CFHR1: variants seen among roughly 807,000 people sequenced by gnomAD.
CFHR1 encodes complement factor H-related protein 1.
Under a neutral mutation model 30.4 loss-of-function variants are expected in CFHR1, and 22 were observed. The observed-to-expected ratio is 0.72, with a 90% CI of 0.52 to 1.03. The LOEUF (loss-of-function observed/expected upper bound fraction) is 1.03, where lower values mean the gene tolerates loss of function less well. CFHR1 is among the 50% of genes least tolerant of loss of function. The pLI, the probability that CFHR1 is intolerant of heterozygous loss-of-function variation, is 0.00. For missense variants in CFHR1, 248 were observed against 380.6 expected, an observed-to-expected ratio of 0.65 and a Z score of 2.90; for synonymous variants, 95 against 129.1, an observed-to-expected ratio of 0.74 and a Z score of 1.79.
intron 1 of CFHR1, among the ~76,000 whole-genome samples, chr1:196,822,317 A>T (rs1288219082): frequency 1.5e-5 from 2 of 129,492 alleles, no homozygotes; most frequent in Non-Finnish European, 3.2e-5. Flanking sequence ...TGCACCCAGG[A>T]TAGACTAAAT....
chr1:196,832,174 A>G lies in CFHR1; in HGVS notation c.*175A>G, dbSNP rs1655594734. 1.4e-6 allele frequency: 1 copy of G among 694,166 alleles called. No homozygotes were observed. The highest frequency in any genetic ancestry group is 2.7e-5 in the Admixed American group (1 of 37,500). The allele number at this position is 694,166 out of a possible 1,614,324, so 43.0% of individuals were successfully genotyped here. A position where few individuals can be genotyped will look rare whatever the true frequency, so the allele number is the denominator to read the frequency against. On this transcript the variant is annotated 3_prime_UTR_variant, in exon 6 of 6. Coordinates refer to ENST00000320493, the MANE Select transcript of CFHR1 (RefSeq NM_002113.3). The stretch of plus-strand genomic sequence containing the variant: ...CTCTCTTCTTAAAAGCACCATATTA[A>G]AACTTGGAAAACTAACTGTTGTGTC...
rs1655181913 is a variant in CFHR1 at position 196,823,097 on chromosome 1, ATATATGTGTGTGTGTGTGTGTGTG to A, written c.59-2378_59-2355del. Reference sequence around the variant, plus strand: ...ACTGTACGACTGTATATATATATATATATATGTGTGTGTGTGTGTGTGTGTGTGTGTGTGTGTATCCCAGAAGAA... The same window carrying A: ...ACTGTACGACTGTATATATATATATATGTGTGTGTGTGTATCCCAGAAGAA... On this transcript the variant is annotated intron_variant, in intron 1 of 5. Transcript: ENST00000320493. 8.2e-5 allele frequency among the ~76,000 whole-genome samples: 4 copies of A among 48,864 alleles called. 1 individual carries two copies. In the Admixed American group the frequency reaches 1.1e-3, roughly 13 times the overall value. 32.1% of individuals were successfully genotyped at this position (48,864 alleles called of 152,430 possible).
At position 196,825,769 on chromosome 1, in the gene CFHR1, G is replaced by C. The variant is rs1490603478; in HGVS notation, c.253+98G>C. ...AGGTCTTGATAATCACAGGGACAGTGACCAAAGAAGCTGGAAAGATGGGAG... is the reference window on the plus strand; with the variant it reads ...AGGTCTTGATAATCACAGGGACAGTCACCAAAGAAGCTGGAAAGATGGGAG... On this transcript the variant is annotated intron_variant, in intron 2 of 5. Coordinates refer to ENST00000320493, the MANE Select transcript of CFHR1 (RefSeq NM_002113.3). 20 of 1,222,612 alleles carry C rather than the reference G, an allele frequency of 1.6e-5. 5 individuals carry two copies. The highest frequency in any genetic ancestry group is 2.2e-5 in the Non-Finnish European group (19 of 873,072). The allele number at this position is 1,222,612 out of a possible 1,614,324, so 75.7% of individuals were successfully genotyped here.
At position 196,830,915 on chromosome 1, in the gene CFHR1, CA is replaced by C. The variant is rs1207716958; in HGVS notation, c.790+234del. ...GGCCGAGGCGGGCAGATCACGAGGT[CA>C]GGAGATTGAGACCATCCTGGCTAAC... On this transcript the variant is annotated intron_variant, in intron 5 of 5. Transcript: ENST00000320493. 1.3e-4 allele frequency among the ~76,000 whole-genome samples: 17 copies of C among 134,110 alleles called. 3 individuals are homozygous for C. The highest frequency in any genetic ancestry group is 2.5e-4 in the Non-Finnish European group (16 of 63,990). 88.0% of individuals were successfully genotyped at this position (134,110 alleles called of 152,430 possible).
In CFHR1 at chr1:196,827,518, C is replaced by G. The variant is rs1464509539; in HGVS notation, c.430+513C>G. ...CTTATTTTCTTTTATTTTTCCACAT[C>G]TCCAATTTAGATCCTTTGATTAACC... On this transcript the variant is annotated intron_variant, in intron 3 of 5. Coordinates refer to ENST00000320493, the MANE Select transcript of CFHR1 (RefSeq NM_002113.3). Among the ~76,000 whole-genome samples, 26 of 135,536 alleles carry G rather than the reference C, an allele frequency of 1.9e-4. 5 individuals are homozygous for G. Among genetic ancestry groups the G allele is most frequent in the Admixed American group, 4.3e-4 (6 of 14,068 alleles). The allele number at this position is 135,536 out of a possible 152,430, so 88.9% of individuals were successfully genotyped here.
rs1655089758 is a variant in CFHR1 at position 196,820,749 on chromosome 1, G to C, written c.58+847G>C. 1.6e-5 allele frequency: 2 copies of C among 127,032 alleles called. 1 individual carries two copies. The highest frequency in any genetic ancestry group is 6.9e-5 in the African/African-American group (2 of 28,918). The allele number at this position is 127,032 out of a possible 1,614,324, so 7.9% of individuals were successfully genotyped here. On this transcript the variant is annotated intron_variant, in intron 1 of 5. Coordinates refer to ENST00000320493, the MANE Select transcript of CFHR1 (RefSeq NM_002113.3). ...CTTTTATTTGAACAGTTTCTCATCA[G>C]TCCTGACATAACAGAACAACATGAA...
intron 2 of CFHR1, 149 bp from the exon 3 acceptor site, chr1:196,826,680 C>T (rs1573149037): frequency 1.4e-6 from 1 of 728,934 alleles, no homozygotes; most frequent in Admixed American, 2.3e-5. Context: ...GAACTCCTGG[C>T]CTCAAGTGAT....
intron 1 of CFHR1, among the ~76,000 whole-genome samples, chr1:196,822,720 C>G (rs1223159221): frequency 7.5e-6 from 1 of 133,896 alleles, no homozygotes; most frequent in African/African-American, 3.2e-5. Flanking sequence ...GGACCTGCCT[C>G]AGGAAACATT....
chr1:196,832,154 T>G lies in CFHR1; in HGVS notation c.*155T>G. The stretch of plus-strand genomic sequence containing the variant: ...TTATAAGCTGAGACCGGTGGCTCTC[T>G]TCTTAAAAGCACCATATTAAAACTT... On this transcript the variant is annotated 3_prime_UTR_variant, in exon 6 of 6. Coordinates refer to ENST00000320493, the MANE Select transcript of CFHR1 (RefSeq NM_002113.3). 2.7e-6 allele frequency: 2 copies of G among 735,284 alleles called. No homozygotes were observed. The highest frequency in any genetic ancestry group is 2.0e-5 in the South Asian group (1 of 49,624). The allele number at this position is 735,284 out of a possible 1,614,324, so 45.5% of individuals were successfully genotyped here.
rs1239382958 is a variant in CFHR1, at chr1:196,828,197, A to G, written c.558A>G (p.Glu186=). The change falls in exon 4 of 6, where the codon GAA becomes GAG. Residue 186 remains glutamate (E), a synonymous_variant. Coordinates refer to ENST00000320493, the MANE Select transcript of CFHR1 (RefSeq NM_002113.3). ...GCCCTTATGAAATGTTTGGGGATGA[A>G]GAAGTGATGTGTTTAAATGGAAACT... ...CRSPYEMFGD[E]EVMCLNGNWT... The G allele has an allele frequency of 2.4e-6, 3 of 1,243,722 alleles. 1 individual carries two copies. Among genetic ancestry groups the G allele is most frequent in the Non-Finnish European group, 3.2e-6 (3 of 925,910 alleles). 77.0% of individuals were successfully genotyped at this position (1,243,722 alleles called of 1,614,324 possible).
Position 196,827,024 on chromosome 1 carries a change from T to C in CFHR1, c.430+19T>C, listed in dbSNP as rs775738898. ...TCCACTGGTAAGTACAATGCTGTTC[T>C]CTCATATGCTGTTATCTATTATAAA... On this transcript the variant is annotated intron_variant, in intron 3 of 5. Transcript: ENST00000320493. 6.0e-6 allele frequency: 9 copies of C among 1,512,536 alleles called. 1 individual carries two copies. In the Admixed American group the frequency reaches 1.6e-4, roughly 26 times the overall value. The allele number at this position is 1,512,536 out of a possible 1,614,324, so 93.7% of individuals were successfully genotyped here. A position where few individuals can be genotyped will look rare whatever the true frequency, so the allele number is the denominator to read the frequency against.
intron 5 of CFHR1, 57 bp downstream of exon 5, chr1:196,830,739 T>C: frequency 5.3e-6 from 8 of 1,499,904 alleles, no homozygotes; most frequent in South Asian, 1.3e-5. Context: ...TCTGATATTT[T>C]GCTGTTGGTA....
chr1:196,832,062 T>C lies in CFHR1; in HGVS notation c.*63T>C. ...AGTATTAAATCAGTTCTTAATTTCA[T>C]TTTTAAGTATTGTTTTACTCCTTTT... On this transcript the variant is annotated 3_prime_UTR_variant, in exon 6 of 6. Transcript: ENST00000320493. 1 of 1,399,582 alleles carries C rather than the reference T, an allele frequency of 7.1e-7. No individual in the cohort carries two copies. The highest frequency in any genetic ancestry group is 1.4e-5 in the South Asian group (1 of 73,988). The allele number at this position is 1,399,582 out of a possible 1,614,324, so 86.7% of individuals were successfully genotyped here. A position where few individuals can be genotyped will look rare whatever the true frequency, so the allele number is the denominator to read the frequency against.
At chr1:196,824,321 G>C (rs1202366793) in intron 1 of CFHR1, among the ~76,000 whole-genome samples, 3 of 133,466 alleles carry the variant, frequency 2.2e-5, no homozygotes, top group Admixed American at 2.2e-4. Flanking sequence ...TTAGTGGCAT[G>C]ATCTCCGCTC....
In CFHR1 at chr1:196,827,021, T is replaced by C; in HGVS notation, c.430+16T>C. ...AGGTCCACTGGTAAGTACAATGCTG[T>C]TCTCTCATATGCTGTTATCTATTAT... On this transcript the variant is annotated intron_variant, in intron 3 of 5. Transcript: ENST00000320493. The C allele has an allele frequency of 6.6e-7, 1 of 1,513,682 alleles. No homozygotes were observed. Among genetic ancestry groups the C allele is most frequent in the Non-Finnish European group, 8.9e-7 (1 of 1,118,958 alleles). 93.8% of individuals were successfully genotyped at this position (1,513,682 alleles called of 1,614,324 possible). A position where few individuals can be genotyped will look rare whatever the true frequency, so the allele number is the denominator to read the frequency against.
At chr1:196,824,038 C>T (rs1655225027) in intron 1 of CFHR1, among the ~76,000 whole-genome samples, 1 of 133,660 alleles carries the variant, frequency 7.5e-6, no homozygotes, top group Admixed American at 7.2e-5. Context: ...GAAGATTTCA[C>T]CCATTTTCTA....
In CFHR1 at chr1:196,826,891, G is replaced by C; in HGVS notation, c.316G>C (p.Glu106Gln). 1 of 1,525,260 alleles carries C rather than the reference G, an allele frequency of 6.6e-7. No individual in the cohort carries two copies. The highest frequency in any genetic ancestry group is 8.9e-7 in the Non-Finnish European group (1 of 1,129,408). The allele number at this position is 1,525,260 out of a possible 1,614,324, so 94.5% of individuals were successfully genotyped here. ...HSESSGQTHL[E>Q]GDTVQIICNT... ...TGAATCTTCAGGACAAACACATCTG[G>C]AAGGTGATACTGTGCAAATTATTTG... The change falls in exon 3 of 6, where the codon GAA (glutamate) becomes CAA (glutamine). Residue 106 changes from glutamate (E) to glutamine (Q), a missense_variant. Physicochemically the swap from Glu to Gln is conservative, Grantham distance 29. Transcript: ENST00000320493.
intron 2 of CFHR1, 148 bp downstream of exon 2, chr1:196,825,819 C>T (rs1275025665): frequency 1.4e-5 from 10 of 740,662 alleles, no homozygotes; most frequent in Non-Finnish European, 2.2e-5. Context: ...TTTTGAGATG[C>T]CTCCTATAAG....
At chr1:196,826,728 G>A in intron 2 of CFHR1, 101 bp from the exon 3 acceptor site, 1 of 1,146,642 alleles carries the variant, frequency 8.7e-7, no homozygotes, top group Non-Finnish European at 1.2e-6. Context: ...GAGATTACCA[G>A]AGTGAGCCAC....
Sources: gnomAD v4.1 joint callset for allele counts (sites outside exome capture counted in the v4.1 genomes callset) on GRCh38, gnomAD v4.1.1 for gene constraint, MANE v1.5 for transcripts, NCBI Gene and HGNC (gene_info 2026-07-23, HGNC 2026-07-21) for gene names.